Variants in DNAAF1 observed in about 807,000 individuals in gnomAD.
DNAAF1 encodes the protein dynein assembly factor 1, axonemal.
A neutral mutation model predicts 71.1 loss-of-function variants in DNAAF1; 65 were observed. The ratio of observed to expected loss-of-function variants is 0.91; its 90% CI spans 0.75 to 1.12. The LOEUF (loss-of-function observed/expected upper bound fraction) is 1.12, where lower values mean the gene tolerates loss of function less well. Among genes scored for constraint, DNAAF1 ranks in the 50% most tolerant of loss-of-function variants. DNAAF1 has a pLI of 0.00. For missense variants in DNAAF1, 1,178 were observed against 899.8 expected (o/e 1.31, Z -3.96); for synonymous variants, 414 against 354.6 (o/e 1.17, Z -1.88).
chr16:84,166,452 C>A (rs2088006762), intron 7 of DNAAF1, among the ~76,000 whole-genome samples: 1 of 149,852 alleles, frequency 6.7e-6, no homozygotes, highest in Non-Finnish European at 1.5e-5. Flanking sequence ...TCTTGGCTCA[C>A]TGCAACCTCT....
At chr16:84,151,075 A>G (rs1409628214) in intron 3 of DNAAF1, among the ~76,000 whole-genome samples, 1 of 152,192 alleles carries the variant, frequency 6.6e-6, no homozygotes, top group Non-Finnish European at 1.5e-5. Context: ...GTTGGAGGCC[A>G]GTATCACATA....
chr16:84,147,856 A>G (rs1045011400), intron 1 of DNAAF1, among the ~76,000 whole-genome samples: 5 of 152,280 alleles, frequency 3.3e-5, no homozygotes, highest in African/African-American at 9.6e-5. Context: ...ACCTGAGGTC[A>G]GGAGTTTGAG....
chr16:84,145,517 A>C lies in DNAAF1; in HGVS notation c.77A>C (p.Glu26Ala). Residue 26 changes from glutamate (E) to alanine (A), a missense_variant, in exon 1 of 12, where the codon GAG (glutamate) becomes GCG (alanine). Transcript: ENST00000378553. ...LDCAQEPGVE[E>A]SAGDHGSAGR... ...TGCGCGCAGGAGCCCGGCGTGGAGGAGTCTGCGGGTGACCACGGGAGCGCA... is the reference window on the plus strand; with the variant it reads ...TGCGCGCAGGAGCCCGGCGTGGAGGCGTCTGCGGGTGACCACGGGAGCGCA... 3.2e-6 allele frequency: 5 copies of C among 1,558,564 alleles called. No individual in the cohort carries two copies. Among genetic ancestry groups the C allele is most frequent in the Non-Finnish European group, 4.3e-6 (5 of 1,151,032 alleles).
At chr16:84,167,906 A>G (rs1364577607) in intron 7 of DNAAF1, among the ~76,000 whole-genome samples, 1 of 152,092 alleles carries the variant, frequency 6.6e-6, no homozygotes, top group Non-Finnish European at 1.5e-5. Flanking sequence ...AATCCCAGCT[A>G]CTTGGGAGGC....
intron 6 of DNAAF1, among the ~76,000 whole-genome samples, chr16:84,160,284 C>T (rs143700522): frequency 5.3e-5 from 8 of 152,304 alleles, no homozygotes; most frequent in African/African-American, 1.9e-4. Flanking sequence ...TGTTATTGGA[C>T]ACTTATAGTT....
chr16:84,164,229 G>A (rs979615060), intron 6 of DNAAF1, among the ~76,000 whole-genome samples: 2 of 152,160 alleles, frequency 1.3e-5, no homozygotes, highest in East Asian at 1.9e-4. Context: ...CGTGTGGTAC[G>A]TTTGTGACAA....
chr16:84,158,609 A>T (rs916278706), intron 5 of DNAAF1, among the ~76,000 whole-genome samples: 2 of 152,200 alleles, frequency 1.3e-5, no homozygotes, highest in Non-Finnish European at 2.9e-5. Context: ...ACTGCTTTTA[A>T]ATCCTCCCAA....
intron 10 of DNAAF1, 42 bp downstream of exon 10, chr16:84,174,764 T>G: frequency 6.2e-6 from 10 of 1,613,362 alleles, no homozygotes; most frequent in Non-Finnish European, 6.8e-6. Flanking sequence ...GCAGCTTAAT[T>G]CCACCTTCGT....
intron 6 of DNAAF1, among the ~76,000 whole-genome samples, chr16:84,163,639 A>T (rs2087824294): frequency 1.3e-5 from 2 of 152,008 alleles, no homozygotes; most frequent in South Asian, 4.1e-4. Context: ...TCGGCCTCCC[A>T]AAGTGCTAGG....
chr16:84,148,167 G>A (rs1445850761), intron 1 of DNAAF1, among the ~76,000 whole-genome samples: 1 of 152,062 alleles, frequency 6.6e-6, no homozygotes, highest in African/African-American at 2.4e-5. Flanking sequence ...CCCTTGTCCA[G>A]AATTTTATAT....
intron 2 of DNAAF1, among the ~76,000 whole-genome samples, chr16:84,149,671 G>T (rs1373635007): frequency 7.5e-6 from 1 of 133,818 alleles, no homozygotes; most frequent in Non-Finnish European, 1.6e-5. Context: ...AGCCCGGGCG[G>T]CAGAGTGAGA....
intron 8 of DNAAF1, among the ~76,000 whole-genome samples, chr16:84,171,014 A>G (rs1353614429): frequency 6.6e-6 from 1 of 152,214 alleles, no homozygotes; most frequent in East Asian, 1.9e-4. Context: ...AAAATCCAGT[A>G]TGTATTTGAC....
chr16:84,177,811 C>T lies in DNAAF1; in HGVS notation c.2148C>T (p.Leu716=). Residue 716 remains leucine (L), a synonymous_variant, in exon 12 of 12, where the codon CTC becomes CTT. Transcript: ENST00000378553. ...GCCAAGCTCTGCCCACGTGGGACCTCACTGCATTCCCAGCACCGAAAGCAT... is the reference window on the plus strand; with the variant it reads ...GCCAAGCTCTGCCCACGTGGGACCTTACTGCATTCCCAGCACCGAAAGCAT... The part of the protein sequence containing the change: ...QPSQALPTWD[L]TAFPAPKAS The T allele has an allele frequency of 6.2e-7, 1 of 1,614,028 alleles. No homozygotes were observed. The highest frequency in any genetic ancestry group is 1.1e-5 in the South Asian group (1 of 91,082).
At chr16:84,153,102 G>A (rs1597412366) in intron 3 of DNAAF1, among the ~76,000 whole-genome samples, 1 of 152,122 alleles carries the variant, frequency 6.6e-6, no homozygotes, top group South Asian at 2.1e-4. Context: ...ATGACGTTGA[G>A]GAACTGTTGT....
In DNAAF1 at chr16:84,165,930, G is replaced by T; in HGVS notation, c.1011G>T (p.Gln337His). The change falls in exon 7 of 12, where the codon CAG becomes CAT. Residue 337 changes from glutamine to histidine, a missense_variant. Transcript: ENST00000378553. ...IKQRAEERKR[Q>H]RESQERGEMT... ...AGCGGGCAGAGGAGAGGAAAAGACA[G>T]AGAGAGAGTCAAGAGAGAGGTATGC... The T allele has an allele frequency of 3.7e-6, 6 of 1,613,022 alleles. No homozygotes were observed. The highest frequency in any genetic ancestry group is 5.1e-6 in the Non-Finnish European group (6 of 1,179,810).
At chr16:84,177,664 G>A in intron 11 of DNAAF1, 65 bp from the exon 12 acceptor site, 1 of 1,423,844 alleles carries the variant, frequency 7.0e-7, no homozygotes, top group Non-Finnish European at 9.9e-7. Context: ...GAACCCCAAG[G>A]CTGCCCCCCT....
chr16:84,150,388 C>T, intron 3 of DNAAF1, 46 bp downstream of exon 3: 1 of 1,432,860 alleles, frequency 7.0e-7, no homozygotes, highest in African/African-American at 1.4e-5. Context: ...TGGAAAGATT[C>T]TGTCTAGCGG....
At chr16:84,162,464 G>A (rs183275193) in intron 6 of DNAAF1, among the ~76,000 whole-genome samples, 1 of 151,814 alleles carries the variant, frequency 6.6e-6, no homozygotes, top group African/African-American at 2.4e-5. Flanking sequence ...ATGGCTTTGA[G>A]TATATTCACA....
At chr16:84,166,069 A>G (rs932651034) in intron 7 of DNAAF1, 120 bp downstream of exon 7, 42 of 1,260,022 alleles carry the variant, frequency 3.3e-5, no homozygotes, top group Admixed American at 6.3e-5. Flanking sequence ...TTTTTTAGAC[A>G]GAGTCTTGCT....
Sources: gnomAD v4.1 joint callset for allele counts (sites outside exome capture counted in the v4.1 genomes callset) on GRCh38, gnomAD v4.1.1 for gene constraint, MANE v1.5 for transcripts, NCBI Gene and HGNC (gene_info 2026-07-23, HGNC 2026-07-21) for gene names.